The following GHDC variants were observed in gnomAD, a reference collection of about 807,000 sequenced individuals.
GHDC encodes GH3 domain containing, also known as GH3 domain-containing protein.
A neutral mutation model predicts 51.5 loss-of-function variants in GHDC; 39 were observed. The ratio of observed to expected loss-of-function variants is 0.76; its 90% confidence interval spans 0.59 to 0.99. GHDC has a LOEUF of 0.99. Among genes scored for constraint, GHDC ranks in the 50% least tolerant of loss-of-function variants. GHDC has a pLI of 0.00. For missense variants in GHDC, 610 were observed against 672.8 expected (o/e 0.91, Z 1.03); for synonymous variants, 282 against 305.2 (o/e 0.92, Z 0.79).
In GHDC at chr17:42,189,631, C is replaced by T. The variant is rs2079950959; in HGVS notation, c.*72G>A. The T allele has an allele frequency of 1.4e-6, 1 of 735,524 alleles. No individual in the cohort carries two copies. Among genetic ancestry groups the T allele is most frequent in the Admixed American group, 3.6e-5 (1 of 27,666 alleles). The allele number at this position is 735,524 out of a possible 1,614,324, so 45.6% of individuals were successfully genotyped here. A position where few individuals can be genotyped will look rare whatever the true frequency, so the allele number is the denominator to read the frequency against. ...TCAGAGACCCTGGCCAAGGACTCCCCATCCGGAGAGGTCCCAGAGGGAGGG... is the reference window on the plus strand; with the variant it reads ...TCAGAGACCCTGGCCAAGGACTCCCTATCCGGAGAGGTCCCAGAGGGAGGG... On this transcript the variant is annotated 3_prime_UTR_variant, in exon 10 of 10. Transcript: ENST00000587427.
chr17:42,192,317 G>T lies in GHDC; in HGVS notation c.813C>A (p.Ala271=), dbSNP rs200106885. ...VVVTLDAGGQ[A]EAVAALGALW... ...AGGCCCCGAGGGCAGCCACAGCCTCGGCCTGGCCTCCTGCATCCAGAGTCA... is the reference window on the plus strand; with the variant it reads ...AGGCCCCGAGGGCAGCCACAGCCTCTGCCTGGCCTCCTGCATCCAGAGTCA... The change falls in exon 5 of 10, where the codon GCC becomes GCA. Residue 271 remains alanine (A), a synonymous_variant. Coordinates refer to ENST00000587427, the MANE Select transcript of GHDC (RefSeq NM_032484.5). 3 of 1,609,844 alleles carry T rather than the reference G, an allele frequency of 1.9e-6. No individual in the cohort carries two copies. The highest frequency in any genetic ancestry group is 1.7e-5 in the Admixed American group (1 of 59,786).
At position 42,192,445 on chromosome 17, in the gene GHDC, G is replaced by C. The variant is rs1008910768; in HGVS notation, c.685C>G (p.Pro229Ala). 1.9e-6 allele frequency: 3 copies of C among 1,613,460 alleles called. No homozygotes were observed. The highest frequency in any genetic ancestry group is 2.7e-5 in the African/African-American group (2 of 74,946). ...GCCCGTTCACGGAGAGGCGCTCCAG[G>C]GTTCCCGGCAGCTATCGCCCCAGCT... is the stretch of plus-strand genomic sequence containing the variant. ...ELAGAIAAGN[P>A]GAPLRERAAE... Residue 229 changes from proline (P) to alanine (A), a missense_variant, in exon 5 of 10, where the codon CCT becomes GCT. By Grantham distance (27) the Pro-to-Ala change is conservative (BLOSUM62 -1). Transcript: ENST00000587427.
In GHDC at chr17:42,191,220, C is replaced by A. The variant is rs749381430; in HGVS notation, c.890-10G>T. ...TTTAGGCCCAGCACCCCTGTGAAAG[C>A]AAAGCAGCCTCCTCAGCGTCTGCTG... On this transcript the variant is annotated splice_polypyrimidine_tract_variant and intron_variant, in intron 5 of 9. Coordinates refer to ENST00000587427, the MANE Select transcript of GHDC (RefSeq NM_032484.5). The A allele has an allele frequency of 1.1e-4, 157 of 1,491,946 alleles. No homozygotes were observed. The highest frequency in any genetic ancestry group is 1.3e-4 in the Non-Finnish European group (144 of 1,123,174). 92.4% of individuals were successfully genotyped at this position (1,491,946 alleles called of 1,614,324 possible).
intron 9 of GHDC, 88 bp downstream of exon 9, chr17:42,190,096 TC>T: frequency 6.7e-7 from 1 of 1,491,698 alleles, no homozygotes; most frequent in Non-Finnish European, 9.1e-7. Context: ...GCCACCCCTC[TC>T]CTTCCCATCA....
At position 42,191,185 on chromosome 17, in the gene GHDC, T is replaced by C. The variant is rs1033240998; in HGVS notation, c.915A>G (p.Pro305=). 49 of 1,532,756 alleles carry C rather than the reference T, an allele frequency of 3.2e-5. No homozygotes were observed. Among genetic ancestry groups the C allele is most frequent in the Non-Finnish European group, 4.0e-5 (46 of 1,143,302 alleles). The allele number at this position is 1,532,756 out of a possible 1,614,324, so 94.9% of individuals were successfully genotyped here. A position where few individuals can be genotyped will look rare whatever the true frequency, so the allele number is the denominator to read the frequency against. Residue 305 remains proline (P), a synonymous_variant, in exon 6 of 10, where the codon CCA becomes CCG. Coordinates refer to ENST00000587427, the MANE Select transcript of GHDC (RefSeq NM_032484.5). ...GAAGGTAGAGCCCATGGGGCTGCTC[T>C]GGCTGTAGGTTTAGGCCCAGCACCC... ...SGGVLGLNLQ[P]EQPHGLYLLP... is the part of the protein sequence containing the mutation.
intron 5 of GHDC, 123 bp downstream of exon 5, chr17:42,192,118 G>T: frequency 7.9e-7 from 1 of 1,273,176 alleles, no homozygotes; most frequent in Non-Finnish European, 1.1e-6. Flanking sequence ...GAGGCTGCTG[G>T]CCCTAGCATG....
Position 42,190,681 on chromosome 17 carries a change from C to G in GHDC, c.1231G>C (p.Gly411Arg), listed in dbSNP as rs749525615. Residue 411 changes from glycine to arginine, a missense_variant, in exon 8 of 10, where the codon GGG becomes CGG. Transcript: ENST00000587427. ...LFSEALGRAV[G>R]QWAGAKLLDH... ...AGCAGCTTGGCCCCCGCCCACTGCC[C>G]CACTGCCCGGCCCAGGGCCTCAGAG... The G allele has an allele frequency of 6.2e-7, 1 of 1,613,910 alleles. No individual in the cohort carries two copies. Among genetic ancestry groups the G allele is most frequent in the East Asian group, 2.2e-5 (1 of 44,884 alleles).
chr17:42,193,697 G>A lies in GHDC; in HGVS notation c.-14+70C>T. On this transcript the variant is annotated intron_variant, in intron 2 of 9. Coordinates refer to ENST00000587427, the MANE Select transcript of GHDC (RefSeq NM_032484.5). ...GAAAACCGAGGAAAAATGAAATTGG[G>A]AAGAAGGCAGGACCCTGTGGGGCAG... 3.7e-6 allele frequency: 5 copies of A among 1,364,118 alleles called. 1 individual carries two copies. Among genetic ancestry groups the A allele is most frequent in the Non-Finnish European group, 4.9e-6 (5 of 1,028,620 alleles). 84.5% of individuals were successfully genotyped at this position (1,364,118 alleles called of 1,614,324 possible). A position where few individuals can be genotyped will look rare whatever the true frequency, so the allele number is the denominator to read the frequency against.
chr17:42,190,302 C>A (rs2079957892), intron 8 of GHDC, 32 bp from the exon 9 acceptor site: 9 of 1,614,036 alleles, frequency 5.6e-6, no homozygotes, highest in Non-Finnish European at 5.9e-6. Context: ...ACACATACTT[C>A]CGGTGAATGG....
intron 7 of GHDC, 36 bp downstream of exon 7, chr17:42,190,796 A>G: frequency 6.2e-7 from 1 of 1,613,934 alleles, no homozygotes; most frequent in Non-Finnish European, 8.5e-7. Flanking sequence ...AGCCCAGGAC[A>G]CAAGGATGGC....
intron 3 of GHDC, 92 bp downstream of exon 3, chr17:42,193,225 A>G (rs1436255469): frequency 4.6e-6 from 7 of 1,516,080 alleles, no homozygotes; most frequent in Admixed American, 4.7e-5. Context: ...TTGGCAGTGG[A>G]GGAGGTAAGG....
intron 2 of GHDC, 28 bp downstream of exon 2, chr17:42,193,739 A>T: frequency 9.6e-7 from 1 of 1,041,792 alleles, no homozygotes. Context: ...CAAAGGAGAG[A>T]CTATCAAAGC....
chr17:42,189,656 G>A lies in GHDC; in HGVS notation c.*47C>T, dbSNP rs3744485. On this transcript the variant is annotated 3_prime_UTR_variant, in exon 10 of 10. Transcript: ENST00000587427. ...CATCCGGAGAGGTCCCAGAGGGAGG[G>A]GCGAGGTGGCCTCTGGGGGGAGCTG... is the stretch of plus-strand genomic sequence containing the variant. 0.015 allele frequency: 15,012 copies of A among 995,396 alleles called. 1,441 individuals are homozygous for A. In the African/African-American group the frequency reaches 0.21, roughly 14 times the overall value. 61.7% of individuals were successfully genotyped at this position (995,396 alleles called of 1,614,324 possible).
chr17:42,190,250 GA>G lies in GHDC; in HGVS notation c.1308del (p.His438ThrfsTer8). 1 of 1,614,186 alleles carries G rather than the reference GA, an allele frequency of 6.2e-7. No individual in the cohort carries two copies. Among genetic ancestry groups the G allele is most frequent in the Non-Finnish European group, 8.5e-7 (1 of 1,180,032 alleles). On this transcript the variant is annotated frameshift_variant, in exon 9 of 10. Coordinates refer to ENST00000587427, the MANE Select transcript of GHDC (RefSeq NM_032484.5). LOFTEE classifies it high-confidence loss of function. ...AGCGCCACAAACACCTCGTAGTGGG[GA>G]GCAGAGCCCGCAGAGGAATCTGTGA... is the stretch of plus-strand genomic sequence containing the variant. ...SSILDSSAGS[A>X]PHYEVFVALR...
In GHDC at chr17:42,193,576, CAGCATCTCCA is replaced by C. The variant is rs1258349600; in HGVS notation, c.-5_5del. 13 of 1,535,746 alleles carry C rather than the reference CAGCATCTCCA, an allele frequency of 8.5e-6. No homozygotes were observed. Among genetic ancestry groups the C allele is most frequent in the Non-Finnish European group, 1.1e-5 (13 of 1,144,504 alleles). On this transcript the variant is annotated start_lost and 5_prime_UTR_variant, in exon 3 of 10. Transcript: ENST00000587427. ...GCAGCAGCAGCAGCAGTGGCCACAGCAGCATCTCCAAGCAGCTCCTGGGAAGAGGAAGGAA... is the reference window on the plus strand; with the variant it reads ...GCAGCAGCAGCAGCAGTGGCCACAGCAGCAGCTCCTGGGAAGAGGAAGGAA...
chr17:42,189,820 G>T lies in GHDC; in HGVS notation c.1476C>A (p.Phe492Leu). The change falls in exon 10 of 10, where the codon TTC becomes TTA. Residue 492 changes from phenylalanine to leucine, a missense_variant. Transcript: ENST00000587427. ...ARVHLVGQGA[F>L]RALRAALAAC... ...CAGCGAGGGCTGCCCGGAGTGCTCGGAAGGCTCCCTGCCCCACCAGGTGGA... is the reference window on the plus strand; with the variant it reads ...CAGCGAGGGCTGCCCGGAGTGCTCGTAAGGCTCCCTGCCCCACCAGGTGGA... 1 of 1,559,778 alleles carries T rather than the reference G, an allele frequency of 6.4e-7. No individual in the cohort carries two copies. Among genetic ancestry groups the T allele is most frequent in the Non-Finnish European group, 8.7e-7 (1 of 1,153,024 alleles).
chr17:42,193,904 C>T (rs908116834), intron 1 of GHDC, 54 bp from the exon 2 acceptor site: 13 of 346,552 alleles, frequency 3.8e-5, no homozygotes, highest in Non-Finnish European at 6.8e-5. Flanking sequence ...AGGGGTGGGC[C>T]GGGTGAGGTG....
Position 42,192,594 on chromosome 17 carries a change from G to T in GHDC, c.536C>A (p.Thr179Asn). Reference sequence around the variant, plus strand: ...CAGCAGCAGGGCCCTAGGGTCCTTGGTTCCAGGGGTGCCCACCTGGCCCAG... The same window carrying T: ...CAGCAGCAGGGCCCTAGGGTCCTTGTTTCCAGGGGTGCCCACCTGGCCCAG... Reference protein sequence around the residue: ...NTLGQVGTPGTKDPRALLLDA... With the variant: ...NTLGQVGTPGNKDPRALLLDA... The change falls in exon 5 of 10, where the codon ACC becomes AAC. Residue 179 changes from threonine (T) to asparagine (N), a missense_variant. Physicochemically the swap from Thr to Asn is moderately conservative, Grantham distance 65. This residue lies in a region of GHDC where 198 missense variants were observed against 262.3 expected (regional missense o/e 0.75). Transcript: ENST00000587427. 6.2e-7 allele frequency: 1 copy of T among 1,613,612 alleles called. No individual in the cohort carries two copies. The highest frequency in any genetic ancestry group is 8.5e-7 in the Non-Finnish European group (1 of 1,180,002).
Position 42,192,451 on chromosome 17 carries a change from C to G in GHDC, c.679G>C (p.Gly227Arg), listed in dbSNP as rs140321523. 12 of 1,613,464 alleles carry G rather than the reference C, an allele frequency of 7.4e-6. No homozygotes were observed. The highest frequency in any genetic ancestry group is 1.3e-5 in the African/African-American group (1 of 74,934). The change falls in exon 5 of 10, where the codon GGG becomes CGG. Residue 227 changes from glycine (G) to arginine (R), a missense_variant. Physicochemically the swap from Gly to Arg is moderately radical, Grantham distance 125. Coordinates refer to ENST00000587427, the MANE Select transcript of GHDC (RefSeq NM_032484.5). The stretch of plus-strand genomic sequence containing the variant: ...TCACGGAGAGGCGCTCCAGGGTTCC[C>G]GGCAGCTATCGCCCCAGCTAGCTCT... ...GEELAGAIAA[G>R]NPGAPLRERA...
Sources: allele counts gnomAD v4.1 joint callset, GRCh38; gene constraint gnomAD v4.1.1; regional missense constraint gnomAD v4.1.1; transcripts MANE v1.5; gene names NCBI Gene and HGNC (gene_info 2026-07-23, HGNC 2026-07-21).